PDGFC: variants seen among roughly 807,000 people sequenced by gnomAD.
The protein encoded by PDGFC is platelet derived growth factor C.
PDGFC carries 12 observed loss-of-function variants against 35.5 expected under a neutral mutation model. The ratio of observed to expected loss-of-function variants is 0.34; its 90% CI spans 0.22 to 0.55. The LOEUF (loss-of-function observed/expected upper bound fraction) is 0.55. Ranked by LOEUF, PDGFC falls within the 20% of genes least tolerant of loss-of-function variation. PDGFC has a pLI of 0.91. For synonymous variants in PDGFC, 159 were observed against 148.8 expected, an observed-to-expected ratio of 1.07 and a Z score of -0.50; for missense variants, 322 against 412.4, an observed-to-expected ratio of 0.78 and a Z score of 1.90.
intron 1 of PDGFC, among the ~76,000 whole-genome samples, chr4:156,947,844 G>A: frequency 6.6e-6 from 1 of 152,026 alleles, no homozygotes; most frequent in East Asian, 2.0e-4. Flanking sequence ...CAGCCTTAGG[G>A]TAAAAGCAAA....
intron 3 of PDGFC, among the ~76,000 whole-genome samples, chr4:156,793,865 A>T (rs1166843875): frequency 6.6e-6 from 1 of 151,664 alleles, no homozygotes; most frequent in Admixed American, 6.6e-5. Flanking sequence ...AGGTAGATTC[A>T]TGGTAGGATG....
chr4:156,960,196 T>C (rs6855834), intron 1 of PDGFC, among the ~76,000 whole-genome samples: 14,121 of 149,868 alleles, frequency 0.094, 2,003 homozygotes, highest in African/African-American at 0.31. Flanking sequence ...GTTTTGACCA[T>C]AGTGACTAAC....
At chr4:156,939,592 A>G (rs1731760400) in intron 1 of PDGFC, among the ~76,000 whole-genome samples, 1 of 152,152 alleles carries the variant, frequency 6.6e-6, no homozygotes, top group Non-Finnish European at 1.5e-5. Flanking sequence ...TATTAGCCAA[A>G]TGAAATATAT....
chr4:156,843,328 T>G (rs1012792279), intron 2 of PDGFC, among the ~76,000 whole-genome samples: 6 of 152,148 alleles, frequency 3.9e-5, no homozygotes, highest in Admixed American at 3.9e-4. Context: ...CATCCAGAAC[T>G]GTGAGAAATA....
intron 1 of PDGFC, among the ~76,000 whole-genome samples, chr4:156,893,669 C>CAA (rs552053780): frequency 7.3e-6 from 1 of 136,400 alleles, no homozygotes. Flanking sequence ...TCATTACCAT[C>CAA]AAAAAAAAAA....
intron 3 of PDGFC, among the ~76,000 whole-genome samples, chr4:156,810,242 T>G (rs2110942695): frequency 6.6e-6 from 1 of 151,930 alleles, no homozygotes; most frequent in African/African-American, 2.4e-5. Context: ...CTTTAAAAAG[T>G]TTTGGAAAGG....
At chr4:156,964,179 T>C (rs1732407836) in intron 1 of PDGFC, among the ~76,000 whole-genome samples, 1 of 151,854 alleles carries the variant, frequency 6.6e-6, no homozygotes, top group Admixed American at 6.6e-5. Flanking sequence ...GTTAAAATTA[T>C]TACCAGAAAG....
intron 1 of PDGFC, among the ~76,000 whole-genome samples, chr4:156,878,675 G>C (rs763972725): frequency 2.6e-5 from 4 of 151,944 alleles, no homozygotes; most frequent in Non-Finnish European, 5.9e-5. Context: ...AATTTCCTTT[G>C]AGCTTCATGT....
Position 156,971,288 on chromosome 4 carries a change from A to G in PDGFC, c.-385T>C. 1 of 410,452 alleles carries G rather than the reference A, an allele frequency of 2.4e-6. No individual in the cohort carries two copies. Among genetic ancestry groups the G allele is most frequent in the African/African-American group, 2.0e-5 (1 of 49,442 alleles). The allele number at this position is 410,452 out of a possible 1,614,324, so 25.4% of individuals were successfully genotyped here. On this transcript the variant is annotated 5_prime_UTR_variant, in exon 1 of 6. Transcript: ENST00000502773. ...AGCACCTGTCAGTTCGGGGGACAGG[A>G]CAGAGGCGAAAACTCAAGGGTTGCC...
chr4:156,816,794 A>C (rs1732099772), intron 2 of PDGFC, among the ~76,000 whole-genome samples: 1 of 152,312 alleles, frequency 6.6e-6, no homozygotes, highest in South Asian at 2.1e-4. Context: ...TTTAAGGCCT[A>C]ACTGCAGAGA....
intron 1 of PDGFC, among the ~76,000 whole-genome samples, chr4:156,925,390 T>C (rs185425622): frequency 1.1e-4 from 17 of 152,138 alleles, no homozygotes; most frequent in African/African-American, 4.1e-4. Flanking sequence ...GTGGTGGTGG[T>C]AGTCAATATG....
At chr4:156,789,036 T>C (rs1485948746) in intron 3 of PDGFC, among the ~76,000 whole-genome samples, 2 of 152,204 alleles carry the variant, frequency 1.3e-5, no homozygotes, top group African/African-American at 4.8e-5. Context: ...TCCTCTGATA[T>C]TTAGATCCTG....
At position 156,763,168 on chromosome 4, in the gene PDGFC, C is replaced by T. The variant is rs774710908; in HGVS notation, c.960G>A (p.Leu320=). Residue 320 remains leucine, a synonymous_variant, in exon 6 of 6, where the codon TTG becomes TTA. Transcript: ENST00000502773. The part of the protein sequence containing the change: ...QLRPKTGVRG[L]HKSLTDVALE... ...GGGCCACGTCGGTGAGTGATTTGTG[C>T]AATCCCCTGACACCGGTCTTTGGTC... The T allele has an allele frequency of 6.2e-7, 1 of 1,611,886 alleles. No homozygotes were observed. The highest frequency in any genetic ancestry group is 1.1e-5 in the South Asian group (1 of 91,026).
At chr4:156,858,440 G>C (rs1311420061) in intron 1 of PDGFC, among the ~76,000 whole-genome samples, 1 of 151,926 alleles carries the variant, frequency 6.6e-6, no homozygotes, top group Non-Finnish European at 1.5e-5. Flanking sequence ...ATACCAATTA[G>C]TAATGAATAT....
At chr4:156,911,014 G>A (rs1024298284) in intron 1 of PDGFC, among the ~76,000 whole-genome samples, 6 of 151,936 alleles carry the variant, frequency 3.9e-5, no homozygotes, top group Non-Finnish European at 7.4e-5. Flanking sequence ...TCCTCTTAAC[G>A]CGGTGTTTTA....
chr4:156,809,984 G>A lies in PDGFC; in HGVS notation c.495+853C>T, dbSNP rs1413320067. Among the ~76,000 whole-genome samples, 4 of 151,736 alleles carry A rather than the reference G, an allele frequency of 2.6e-5. No individual in the cohort carries two copies. The South Asian group carries it at 6.2e-4, about 24-fold the overall frequency. ...TTGAGAAATATTTCACTTTGTGAAAGTGTATCCATGGCCCTCAACGCCACC... is the reference window on the plus strand; with the variant it reads ...TTGAGAAATATTTCACTTTGTGAAAATGTATCCATGGCCCTCAACGCCACC... On this transcript the variant is annotated intron_variant, in intron 3 of 5. Coordinates refer to ENST00000502773, the MANE Select transcript of PDGFC (RefSeq NM_016205.3).
At chr4:156,827,954 G>A (rs141015843) in intron 2 of PDGFC, among the ~76,000 whole-genome samples, 3 of 152,292 alleles carry the variant, frequency 2.0e-5, no homozygotes, top group African/African-American at 4.8e-5. Context: ...AAGCAAATGC[G>A]TGAAACAGTG....
intron 1 of PDGFC, among the ~76,000 whole-genome samples, chr4:156,935,512 A>G (rs546441269): frequency 3.8e-4 from 57 of 148,694 alleles, no homozygotes; most frequent in Admixed American, 6.7e-4. Flanking sequence ...CTGCACTACA[A>G]CATTACAACA....
At chr4:156,815,754 T>C (rs1356671472) in intron 2 of PDGFC, among the ~76,000 whole-genome samples, 1 of 152,226 alleles carries the variant, frequency 6.6e-6, no homozygotes, top group East Asian at 1.9e-4. Context: ...GTAATCCTTA[T>C]AATACACTCT....
Sources: allele counts gnomAD v4.1 joint callset (sites outside exome capture counted in the v4.1 genomes callset), GRCh38; gene constraint gnomAD v4.1.1; transcripts MANE v1.5; gene names NCBI Gene and HGNC (gene_info 2026-07-23, HGNC 2026-07-21).